Variants in CACNA2D2 observed in about 807,000 individuals in gnomAD.
CACNA2D2 encodes the protein calcium voltage-gated channel auxiliary subunit alpha2delta 2.
A neutral mutation model predicts 166.4 loss-of-function variants in CACNA2D2; 48 were observed. That is an observed-to-expected ratio of 0.29 (90% CI 0.23 to 0.37). The LOEUF is 0.37. Among genes scored for constraint, CACNA2D2 ranks in the 10% least tolerant of loss-of-function variants. The probability of loss-of-function intolerance (pLI) is 1.00; values close to 1 mark genes in which losing one functional copy is unlikely to be tolerated. For missense variants in CACNA2D2, 1,122 were observed against 1,433.0 expected, an observed-to-expected ratio of 0.78 and a Z score of 3.50; for synonymous variants, 561 against 573.7, an observed-to-expected ratio of 0.98 and a Z score of 0.32.
intron 2 of CACNA2D2, among the ~76,000 whole-genome samples, chr3:50,447,051 G>A (rs1334734313): frequency 2.0e-5 from 3 of 152,222 alleles, no homozygotes; most frequent in Non-Finnish European, 2.9e-5. Context: ...AGGGAAAGGT[G>A]TAGCTGGATG....
At chr3:50,397,074 A>T (rs982757086) in intron 3 of CACNA2D2, among the ~76,000 whole-genome samples, 3 of 151,872 alleles carry the variant, frequency 2.0e-5, no homozygotes, top group Non-Finnish European at 4.4e-5. Context: ...GCCCCAAAAC[A>T]TGGGGGCTAC....
chr3:50,374,875 C>T, intron 21 of CACNA2D2, 62 bp from the exon 22 acceptor site: 2 of 1,371,338 alleles, frequency 1.5e-6, no homozygotes, highest in South Asian at 1.2e-5. Flanking sequence ...CACCCCCTCC[C>T]CATGGCCTTG....
Position 50,379,837 on chromosome 3 carries a change from G to A in CACNA2D2, c.894-13C>T, listed in dbSNP as rs773282558. The A allele has an allele frequency of 1.2e-6, 2 of 1,613,738 alleles. No individual in the cohort carries two copies. The highest frequency in any genetic ancestry group is 1.1e-5 in the South Asian group (1 of 91,078). ...CACACTGCCACTCCTGGAGAGGTCA[G>A]GCAGGGGACGTGGAGGAGCCAGGGG... On this transcript the variant is annotated splice_polypyrimidine_tract_variant and intron_variant, in intron 9 of 37. Coordinates refer to ENST00000424201, the MANE Select transcript of CACNA2D2 (RefSeq NM_006030.4). This position sits in a 1 kb window ranked among gnomAD's most constrained non-coding sequence, Gnocchi z 6.5.
rs1704099253 is a variant in CACNA2D2 at position 50,364,476 on chromosome 3, C to T, written c.*190G>A. The T allele has an allele frequency of 1.5e-6, 1 of 666,242 alleles. No individual in the cohort carries two copies. Among genetic ancestry groups the T allele is most frequent in the Non-Finnish European group, 2.5e-6 (1 of 404,428 alleles). The allele number at this position is 666,242 out of a possible 1,614,324, so 41.3% of individuals were successfully genotyped here. A position where few individuals can be genotyped will look rare whatever the true frequency, so the allele number is the denominator to read the frequency against. Reference sequence around the variant, plus strand: ...TCGGAGGTGAGATGTGATTTGGGTGCCAAACACCTGCGGCGTCCCGCTTTG... The same window carrying T: ...TCGGAGGTGAGATGTGATTTGGGTGTCAAACACCTGCGGCGTCCCGCTTTG... On this transcript the variant is annotated 3_prime_UTR_variant, in exon 38 of 38. Coordinates refer to ENST00000424201, the MANE Select transcript of CACNA2D2 (RefSeq NM_006030.4).
At chr3:50,444,587 A>G (rs137937715) in intron 2 of CACNA2D2, among the ~76,000 whole-genome samples, 4 of 152,338 alleles carry the variant, frequency 2.6e-5, no homozygotes, top group African/African-American at 9.6e-5. Flanking sequence ...TCTGTCCTGC[A>G]GGGACCAACT....
intron 3 of CACNA2D2, among the ~76,000 whole-genome samples, chr3:50,430,058 T>G (rs1289549846): frequency 1.3e-5 from 2 of 152,202 alleles, no homozygotes; most frequent in Non-Finnish European, 2.9e-5. Context: ...AGCCTGGGGC[T>G]GGTGTCTCCA....
At chr3:50,487,479 T>C (rs1698337669) in intron 1 of CACNA2D2, among the ~76,000 whole-genome samples, 1 of 152,226 alleles carries the variant, frequency 6.6e-6, no homozygotes, top group Admixed American at 6.5e-5. Flanking sequence ...TGCTTCTTGC[T>C]AGTGCCTGGA....
chr3:50,482,936 A>G (rs969326434), intron 1 of CACNA2D2, among the ~76,000 whole-genome samples: 1 of 152,170 alleles, frequency 6.6e-6, no homozygotes, highest in Non-Finnish European at 1.5e-5. Flanking sequence ...GCAACAGTCT[A>G]GCCGAGATCA....
chr3:50,437,164 C>T (rs189452991), intron 2 of CACNA2D2, among the ~76,000 whole-genome samples: 18 of 152,290 alleles, frequency 1.2e-4, no homozygotes, highest in Admixed American at 5.9e-4. Context: ...ATGCATCCAC[C>T]GTGTTTTCTT....
intron 3 of CACNA2D2, among the ~76,000 whole-genome samples, chr3:50,399,099 T>A (rs964593456): frequency 1.5e-4 from 23 of 152,168 alleles, no homozygotes; most frequent in African/African-American, 5.3e-4. Flanking sequence ...GGGGAGGGCC[T>A]TGGGTGATGG....
chr3:50,463,508 G>A (rs1294967764), intron 2 of CACNA2D2, among the ~76,000 whole-genome samples: 1 of 152,144 alleles, frequency 6.6e-6, no homozygotes, highest in Non-Finnish European at 1.5e-5. Context: ...ATGTTGTTCA[G>A]GCTGGTCTCC....
intron 3 of CACNA2D2, among the ~76,000 whole-genome samples, chr3:50,415,118 T>C (rs528003014): frequency 3.3e-5 from 5 of 152,300 alleles, no homozygotes; most frequent in Admixed American, 6.5e-5. Flanking sequence ...AGGAATCCTG[T>C]TGACATTCTG....
At chr3:50,485,769 T>C (rs1698253790) in intron 1 of CACNA2D2, among the ~76,000 whole-genome samples, 2 of 151,966 alleles carry the variant, frequency 1.3e-5, no homozygotes, top group Non-Finnish European at 1.5e-5. Context: ...GGCTCAGGGG[T>C]CGCCAAGGTG....
chr3:50,494,047 G>A (rs942566070), intron 1 of CACNA2D2, among the ~76,000 whole-genome samples: 6 of 152,294 alleles, frequency 3.9e-5, no homozygotes, highest in South Asian at 2.1e-4. Context: ...TTTCTGGGGT[G>A]CAAGGTCCCA....
Position 50,367,004 on chromosome 3 carries a change from C to T in CACNA2D2, c.2500+7G>A, listed in dbSNP as rs2109406874. On this transcript the variant is annotated splice_region_variant and intron_variant, in intron 28 of 37. Transcript: ENST00000424201. This position sits in a 1 kb window ranked among gnomAD's most constrained non-coding sequence, Gnocchi z 6.5. ...CCTGTTTCCCCACCTCTGTCCCAAACATTCACCTGCTGGCCTCAGTGTGCG... is the reference window on the plus strand; with the variant it reads ...CCTGTTTCCCCACCTCTGTCCCAAATATTCACCTGCTGGCCTCAGTGTGCG... 1 of 1,613,762 alleles carries T rather than the reference C, an allele frequency of 6.2e-7. No individual in the cohort carries two copies. The highest frequency in any genetic ancestry group is 8.5e-7 in the Non-Finnish European group (1 of 1,179,954).
Position 50,367,961 on chromosome 3 carries a change from C to A in CACNA2D2, c.2144-59G>T. ...ATCTTCTTGCAGCTCCTTGCCCACCCTCACCCCCACCCTTAAGGCTCCACC... is the reference window on the plus strand; with the variant it reads ...ATCTTCTTGCAGCTCCTTGCCCACCATCACCCCCACCCTTAAGGCTCCACC... On this transcript the variant is annotated intron_variant, in intron 24 of 37. Coordinates refer to ENST00000424201, the MANE Select transcript of CACNA2D2 (RefSeq NM_006030.4). The surrounding 1 kb of genome is among the most constrained non-coding windows in gnomAD (Gnocchi z 6.5). The A allele has an allele frequency of 7.5e-7, 1 of 1,330,746 alleles. No homozygotes were observed. Among genetic ancestry groups the A allele is most frequent in the South Asian group, 1.2e-5 (1 of 82,392 alleles). 82.4% of individuals were successfully genotyped at this position (1,330,746 alleles called of 1,614,324 possible). A position where few individuals can be genotyped will look rare whatever the true frequency, so the allele number is the denominator to read the frequency against.
chr3:50,405,930 A>T (rs1022156055), intron 3 of CACNA2D2, among the ~76,000 whole-genome samples: 2 of 152,108 alleles, frequency 1.3e-5, no homozygotes, highest in Non-Finnish European at 2.9e-5. Context: ...TAGGCCTGCC[A>T]CTCATGCACT....
At chr3:50,406,481 A>ATCCC (rs1254224081) in intron 3 of CACNA2D2, among the ~76,000 whole-genome samples, 3 of 151,280 alleles carry the variant, frequency 2.0e-5, no homozygotes, top group Non-Finnish European at 4.4e-5. Context: ...CATCAATATT[A>ATCCC]TCCCTGCACC....
At chr3:50,481,084 T>TA (rs1698035846) in intron 1 of CACNA2D2, among the ~76,000 whole-genome samples, 2 of 151,994 alleles carry the variant, frequency 1.3e-5, no homozygotes, top group Non-Finnish European at 2.9e-5. Context: ...GCTTTTGGAA[T>TA]AAATTATGCA....
Sources: allele counts gnomAD v4.1 joint callset (sites outside exome capture counted in the v4.1 genomes callset), GRCh38; gene constraint gnomAD v4.1.1; non-coding constraint Gnocchi (gnomAD v3.1); transcripts MANE v1.5; gene names NCBI Gene and HGNC (gene_info 2026-07-23, HGNC 2026-07-21).